The following PEAK1 variants were observed in gnomAD, a reference collection of about 807,000 sequenced individuals.
PEAK1 encodes inactive tyrosine-protein kinase PEAK1.
A neutral mutation model predicts 124.7 loss-of-function variants in PEAK1; 54 were observed. The observed-to-expected ratio is 0.43, with a 90% CI of 0.35 to 0.54. PEAK1 has a LOEUF of 0.54. Ranked by LOEUF, PEAK1 falls within the 20% of genes least tolerant of loss-of-function variation. The probability of loss-of-function intolerance (pLI) is 0.01; values close to 1 mark genes in which losing one functional copy is unlikely to be tolerated. For missense variants in PEAK1, 2,046 were observed against 2,134.5 expected, an observed-to-expected ratio of 0.96 and a Z score of 0.82; for synonymous variants, 719 against 760.0, an observed-to-expected ratio of 0.95 and a Z score of 0.89.
chr15:77,297,235 T>C (rs949378991), intron 2 of PEAK1, among the ~76,000 whole-genome samples: 2 of 151,918 alleles, frequency 1.3e-5, no homozygotes, highest in Non-Finnish European at 2.9e-5. Flanking sequence ...GAAAAAAGCA[T>C]ATGTTTCATA....
chr15:77,159,887 T>C (rs1324926119), intron 7 of PEAK1, among the ~76,000 whole-genome samples: 1 of 152,204 alleles, frequency 6.6e-6, no homozygotes, highest in Non-Finnish European at 1.5e-5. Flanking sequence ...AGCCTTGATG[T>C]CTGCTGGATA....
chr15:77,120,530 A>G (rs1566991569), intron 9 of PEAK1, among the ~76,000 whole-genome samples: 1 of 151,954 alleles, frequency 6.6e-6, no homozygotes. Context: ...TTAATTATCA[A>G]CTCTCATTGA....
chr15:77,165,938 C>T (rs2056063813), intron 7 of PEAK1, among the ~76,000 whole-genome samples: 4 of 152,138 alleles, frequency 2.6e-5, no homozygotes, highest in Admixed American at 6.5e-5. Context: ...GTTCCTTCCA[C>T]CACACTGTTA....
At chr15:77,338,497 A>C (rs761300674) in intron 2 of PEAK1, among the ~76,000 whole-genome samples, 8 of 152,180 alleles carry the variant, frequency 5.3e-5, no homozygotes, top group Non-Finnish European at 1.0e-4. Flanking sequence ...AACTAACAGC[A>C]CATTTTGTAA....
rs1313081414 is a variant in PEAK1, at chr15:77,109,283, T to G, written c.*4873A>C. The G allele has an allele frequency of 6.6e-6, 1 of 152,246 alleles. No individual in the cohort carries two copies. The highest frequency in any genetic ancestry group is 1.5e-5 in the Non-Finnish European group (1 of 68,056). 9.4% of individuals were successfully genotyped at this position (152,246 alleles called of 1,614,324 possible). A position where few individuals can be genotyped will look rare whatever the true frequency, so the allele number is the denominator to read the frequency against. The stretch of plus-strand genomic sequence containing the variant: ...GGAAGAGATCCTTCTCCTTAAATAC[T>G]GAGGAACTTTGTATCTGCCAGGGCT... On this transcript the variant is annotated 3_prime_UTR_variant, in exon 10 of 10. Coordinates refer to ENST00000682557, the MANE Select transcript of PEAK1 (RefSeq NM_001385026.1).
intron 8 of PEAK1, among the ~76,000 whole-genome samples, chr15:77,135,724 G>T (rs1052316895): frequency 6.6e-6 from 1 of 152,144 alleles, no homozygotes; most frequent in South Asian, 2.1e-4. Flanking sequence ...TTTAAAAAGA[G>T]GAGTTCCCCT....
At chr15:77,365,269 T>C (rs939111664) in intron 1 of PEAK1, 44 bp from the exon 2 acceptor site, 6 of 836,442 alleles carry the variant, frequency 7.2e-6, no homozygotes, top group Non-Finnish European at 8.6e-6. Flanking sequence ...GTCAATATGG[T>C]TGAATCTGAG....
chr15:77,250,257 A>ATATATTT (rs1372164177), intron 6 of PEAK1, among the ~76,000 whole-genome samples: 3 of 126,214 alleles, frequency 2.4e-5, no homozygotes, highest in East Asian at 4.0e-4. Context: ...ATATATATAT[A>ATATATTT]TTTTTTTTTG....
chr15:77,203,859 T>C (rs2058494190), intron 6 of PEAK1, among the ~76,000 whole-genome samples: 1 of 152,208 alleles, frequency 6.6e-6, no homozygotes, highest in Admixed American at 6.5e-5. Context: ...AGTTTAGTGA[T>C]GACTTTTTAG....
At chr15:77,129,205 G>A (rs2052635521) in intron 9 of PEAK1, among the ~76,000 whole-genome samples, 1 of 152,236 alleles carries the variant, frequency 6.6e-6, no homozygotes. Flanking sequence ...CTGTAAGCCA[G>A]GAAGAAAGCC....
chr15:77,199,395 G>A (rs1396629780), intron 6 of PEAK1, among the ~76,000 whole-genome samples: 3 of 152,150 alleles, frequency 2.0e-5, no homozygotes, highest in Non-Finnish European at 4.4e-5. Flanking sequence ...GGGGGCCATA[G>A]GACCTTTAAG....
At chr15:77,412,637 A>C (rs2072507626) in intron 1 of PEAK1, among the ~76,000 whole-genome samples, 1 of 152,194 alleles carries the variant, frequency 6.6e-6, no homozygotes, top group Non-Finnish European at 1.5e-5. Context: ...TGCATTTCCT[A>C]GTTCTTTCCA....
At chr15:77,309,929 ATTC>A (rs1255101191) in intron 2 of PEAK1, among the ~76,000 whole-genome samples, 2 of 152,204 alleles carry the variant, frequency 1.3e-5, no homozygotes, top group Admixed American at 1.3e-4. Context: ...AACTGTGGCT[ATTC>A]TTCCTGGAGA....
At chr15:77,159,781 G>A (rs1024757540) in intron 7 of PEAK1, among the ~76,000 whole-genome samples, 3 of 152,220 alleles carry the variant, frequency 2.0e-5, no homozygotes, top group South Asian at 2.1e-4. Context: ...AACATATATC[G>A]CCTGTGGATT....
chr15:77,201,364 A>C (rs562351533), intron 6 of PEAK1, among the ~76,000 whole-genome samples: 33 of 150,566 alleles, frequency 2.2e-4, no homozygotes, highest in South Asian at 2.1e-3. Flanking sequence ...CCGCCTCCCG[A>C]GTACCTGGGA....
At chr15:77,199,955 A>T (rs891410911) in intron 6 of PEAK1, among the ~76,000 whole-genome samples, 2 of 152,240 alleles carry the variant, frequency 1.3e-5, no homozygotes, top group African/African-American at 4.8e-5. Flanking sequence ...AAACAATGGA[A>T]GAAAGATTGG....
Position 77,147,585 on chromosome 15 carries a change from G to C in PEAK1, c.3331+10918C>G, listed in dbSNP as rs75874166. 7.2e-3 allele frequency among the ~76,000 whole-genome samples: 1,094 copies of C among 152,176 alleles called. 9 individuals carry two copies. Among genetic ancestry groups the C allele is most frequent in the African/African-American group, 0.025 (1,043 of 41,522 alleles). The stretch of plus-strand genomic sequence containing the variant: ...ACAGAAACACAGGGAAAATGTTCAA[G>C]GTCTGATTCAAACAAATTTTATTAC... On this transcript the variant is annotated intron_variant, in intron 8 of 9. Coordinates refer to ENST00000682557, the MANE Select transcript of PEAK1 (RefSeq NM_001385026.1).
rs568581928 is a variant in PEAK1, at chr15:77,127,183, G to A, written c.4077+5822C>T. ...TCTCTCCCTGTCATGTAAGGGCACA[G>A]TGAGAAGAAGGCTATCTGTAAGCCA... On this transcript the variant is annotated intron_variant, in intron 9 of 9. Transcript: ENST00000682557. Among the ~76,000 whole-genome samples the A allele has an allele frequency of 3.8e-4, 58 of 152,356 alleles. 1 individual carries two copies. In the Middle Eastern group the frequency reaches 0.01, roughly 27 times the overall value.
At chr15:77,149,930 T>C (rs377592615) in intron 8 of PEAK1, among the ~76,000 whole-genome samples, 3 of 152,036 alleles carry the variant, frequency 2.0e-5, no homozygotes, top group East Asian at 1.9e-4. Flanking sequence ...TGTTATTTTT[T>C]GTAGAGATGG....
Sources: gnomAD v4.1 joint callset for allele counts (sites outside exome capture counted in the v4.1 genomes callset) on GRCh38, gnomAD v4.1.1 for gene constraint, MANE v1.5 for transcripts, NCBI Gene and HGNC (gene_info 2026-07-23, HGNC 2026-07-21) for gene names.